Variants in ADGRG6 observed in about 807,000 individuals in gnomAD.
ADGRG6 encodes the protein adhesion G protein-coupled receptor G6.
ADGRG6 carries 84 observed loss-of-function variants against 142.4 expected under a neutral mutation model. That is an observed-to-expected ratio of 0.59 (90% CI 0.49 to 0.71). The LOEUF (loss-of-function observed/expected upper bound fraction) is 0.71, where lower values mean the gene tolerates loss of function less well. Among genes scored for constraint, ADGRG6 ranks in the 30% least tolerant of loss-of-function variants. The probability of loss-of-function intolerance (pLI) is 0.00; values close to 1 mark genes in which losing one functional copy is unlikely to be tolerated. For synonymous variants in ADGRG6, 521 were observed against 520.5 expected (o/e 1.00, Z -0.01); for missense variants, 1,367 against 1,466.6 (o/e 0.93, Z 1.11).
At chr6:142,419,610 C>T (rs1409827822) in intron 21 of ADGRG6, among the ~76,000 whole-genome samples, 1 of 151,918 alleles carries the variant, frequency 6.6e-6, no homozygotes, top group Admixed American at 6.6e-5. Flanking sequence ...ATTGGCTTAC[C>T]TAGATATTAA....
At chr6:142,310,732 T>C (rs1470381284) in intron 2 of ADGRG6, among the ~76,000 whole-genome samples, 1 of 151,874 alleles carries the variant, frequency 6.6e-6, no homozygotes, top group Non-Finnish European at 1.5e-5. Flanking sequence ...GAACAGATCT[T>C]TCAGTGAATT....
intron 2 of ADGRG6, among the ~76,000 whole-genome samples, chr6:142,338,517 C>G (rs922830670): frequency 6.7e-6 from 1 of 150,258 alleles, no homozygotes; most frequent in Non-Finnish European, 1.5e-5. Flanking sequence ...ATAATTTATT[C>G]TTTAAATTTG....
chr6:142,370,156 A>G lies in ADGRG6; in HGVS notation c.446-14A>G, dbSNP rs752817859. 6.3e-7 allele frequency: 1 copy of G among 1,578,060 alleles called. No individual in the cohort carries two copies. The highest frequency in any genetic ancestry group is 8.6e-7 in the Non-Finnish European group (1 of 1,156,100). ...AGTTAACAGGTTTATCTTTCTTGTT[A>G]TGTTTTGTCCTAGTTGCCGTGTCCT... On this transcript the variant is annotated splice_polypyrimidine_tract_variant and intron_variant, in intron 3 of 24. Coordinates refer to ENST00000367609, the MANE Select transcript of ADGRG6 (RefSeq NM_198569.3).
At chr6:142,437,285 A>G (rs926894759) in intron 22 of ADGRG6, 149 bp from the exon 23 acceptor site, 2 of 532,490 alleles carry the variant, frequency 3.8e-6, no homozygotes, top group Middle Eastern at 5.2e-4. Flanking sequence ...TGTCTGCTAC[A>G]TACTGCAAGA....
At chr6:142,377,339 G>T (rs1313055721) in intron 4 of ADGRG6, among the ~76,000 whole-genome samples, 1 of 152,198 alleles carries the variant, frequency 6.6e-6, no homozygotes, top group Non-Finnish European at 1.5e-5. Context: ...GTCCCCACAG[G>T]AGCTGGAGAG....
intron 6 of ADGRG6, among the ~76,000 whole-genome samples, chr6:142,386,377 T>A (rs1371273195): frequency 1.3e-5 from 2 of 152,208 alleles, no homozygotes; most frequent in Non-Finnish European, 2.9e-5. Flanking sequence ...AACTTCCAAA[T>A]AAAGGCCGAA....
chr6:142,389,214 A>G (rs1338597083), intron 6 of ADGRG6, among the ~76,000 whole-genome samples: 1 of 151,848 alleles, frequency 6.6e-6, no homozygotes, highest in African/African-American at 2.4e-5. Flanking sequence ...TGGAATTTGC[A>G]TTTTGGTGGA....
chr6:142,395,354 G>A (rs1775124097), intron 9 of ADGRG6, among the ~76,000 whole-genome samples: 1 of 152,106 alleles, frequency 6.6e-6, no homozygotes, highest in Admixed American at 6.6e-5. Flanking sequence ...AATGGATCCA[G>A]CAGCAATCAG....
chr6:142,408,329 G>T (rs993402358), intron 16 of ADGRG6, 60 bp downstream of exon 16: 1 of 1,319,298 alleles, frequency 7.6e-7, no homozygotes, highest in South Asian at 1.5e-5. Context: ...TACTAGTGGG[G>T]CCTTTTTTTC....
chr6:142,422,935 A>G (rs1275026188), intron 22 of ADGRG6, among the ~76,000 whole-genome samples: 1 of 150,258 alleles, frequency 6.7e-6, no homozygotes, highest in Non-Finnish European at 1.5e-5. Flanking sequence ...GCATTTTTTC[A>G]TGTGTTCTTT....
intron 2 of ADGRG6, among the ~76,000 whole-genome samples, chr6:142,345,779 A>G (rs1469880686): frequency 6.6e-6 from 1 of 152,164 alleles, no homozygotes; most frequent in Non-Finnish European, 1.5e-5. Context: ...CCTTTATTAC[A>G]TGGTTAAATT....
Position 142,402,638 on chromosome 6 carries a change from C to T in ADGRG6, c.1763C>T (p.Ala588Val). 3.8e-6 allele frequency: 6 copies of T among 1,591,534 alleles called. No homozygotes were observed. The highest frequency in any genetic ancestry group is 5.2e-6 in the Non-Finnish European group (6 of 1,163,752). ...GTTTTAGAAGAAGCAAATGAAGTTGCTAACCAGATTTTAAATTTAACTGCT... is the reference window on the plus strand; with the variant it reads ...GTTTTAGAAGAAGCAAATGAAGTTGTTAACCAGATTTTAAATTTAACTGCT... ...SNCLKEANEV[A>V]NQILNLTADG... The change falls in exon 13 of 25, where the codon GCT (alanine) becomes GTT (valine). Residue 588 changes from alanine to valine, a missense_variant. Ala to Val is a moderately conservative substitution (Grantham distance 64). Transcript: ENST00000367609.
At chr6:142,404,506 T>C (rs1775699971) in intron 14 of ADGRG6, among the ~76,000 whole-genome samples, 1 of 151,850 alleles carries the variant, frequency 6.6e-6, no homozygotes, top group Non-Finnish European at 1.5e-5. Flanking sequence ...TAGCCAGGCA[T>C]GGTGGTGCAG....
rs562349547 is a variant in ADGRG6 at position 142,360,596 on chromosome 6, T to A, written c.104-6973T>A. ...ATGGCTGGAATTAAAGCACCTCTGT[T>A]TCTCAAAAGTCTGGTTTTCTCTCAT... is the stretch of plus-strand genomic sequence containing the variant. On this transcript the variant is annotated intron_variant, in intron 2 of 24. Coordinates refer to ENST00000367609, the MANE Select transcript of ADGRG6 (RefSeq NM_198569.3). 9.5e-3 allele frequency among the ~76,000 whole-genome samples: 1,449 copies of A among 152,282 alleles called. 15 individuals are homozygous for A. The highest frequency in any genetic ancestry group is 0.016 in the Non-Finnish European group (1,061 of 68,008).
chr6:142,308,202 G>A (rs1029225043), intron 1 of ADGRG6, among the ~76,000 whole-genome samples: 2 of 151,894 alleles, frequency 1.3e-5, no homozygotes, highest in Admixed American at 6.6e-5. Context: ...GAAAGGCATC[G>A]TCTTATGTAA....
At chr6:142,433,835 C>T (rs913469280) in intron 22 of ADGRG6, among the ~76,000 whole-genome samples, 9 of 152,152 alleles carry the variant, frequency 5.9e-5, no homozygotes, top group Non-Finnish European at 1.2e-4. Context: ...GCAGGAGAAT[C>T]GTTTGAGGCC....
rs148722328 is a variant in ADGRG6 at position 142,357,342 on chromosome 6, G to A, written c.104-10227G>A. 3.0e-3 allele frequency among the ~76,000 whole-genome samples: 452 copies of A among 152,156 alleles called. 3 individuals carry two copies. Among genetic ancestry groups the A allele is most frequent in the African/African-American group, 0.011 (439 of 41,520 alleles). On this transcript the variant is annotated intron_variant, in intron 2 of 24. Coordinates refer to ENST00000367609, the MANE Select transcript of ADGRG6 (RefSeq NM_198569.3). ...AAATACTTTGAAAACTAATTCCAGT[G>A]ATGAGTTAATTTAAAGCATTAGATG...
intron 24 of ADGRG6, among the ~76,000 whole-genome samples, chr6:142,440,554 C>A (rs1777704692): frequency 6.6e-6 from 1 of 152,134 alleles, no homozygotes; most frequent in Non-Finnish European, 1.5e-5. Context: ...CCTCAGCCTC[C>A]CAGAGTCCTG....
At chr6:142,318,703 G>A (rs572565844) in intron 2 of ADGRG6, among the ~76,000 whole-genome samples, 1 of 151,990 alleles carries the variant, frequency 6.6e-6, no homozygotes, top group Non-Finnish European at 1.5e-5. Context: ...TAGAAATGGA[G>A]AAGGGGGATC....
Sources: allele counts gnomAD v4.1 joint callset (sites outside exome capture counted in the v4.1 genomes callset), GRCh38; gene constraint gnomAD v4.1.1; transcripts MANE v1.5; gene names NCBI Gene and HGNC (gene_info 2026-07-23, HGNC 2026-07-21).